The following SLC25A21 variants were observed in gnomAD, a reference collection of about 807,000 sequenced individuals.
SLC25A21 encodes the protein solute carrier family 25 member 21, also known as mitochondrial 2-oxodicarboxylate carrier.
In SLC25A21, 47 loss-of-function variants were observed where a neutral mutation model predicts 43.8. That is an observed-to-expected ratio of 1.07 (90% confidence interval 0.85 to 1.37). SLC25A21 has a LOEUF of 1.37. Ranked by LOEUF, SLC25A21 falls within the 40% of genes most tolerant of loss-of-function variation. The pLI, the probability that SLC25A21 is intolerant of heterozygous loss-of-function variation, is 0.00. For synonymous variants in SLC25A21, 131 were observed against 121.3 expected (o/e 1.08, Z -0.52); for missense variants, 352 against 350.2 (o/e 1.00, Z -0.04).
rs550285263 is a variant in SLC25A21 at position 37,119,621 on chromosome 14, C to T, written c.70+52660G>A. ...GCATAATCAGTTGAGCAGCCCACGC[C>T]GCTGCTCTGCCTATGGAGTAGCCAC... On this transcript the variant is annotated intron_variant, in intron 1 of 9. Transcript: ENST00000331299. 3.9e-5 allele frequency among the ~76,000 whole-genome samples: 6 copies of T among 152,222 alleles called. No individual in the cohort carries two copies. In the East Asian group the frequency reaches 9.6e-4, roughly 24 times the overall value.
Position 37,162,042 on chromosome 14 carries a change from G to A in SLC25A21, c.70+10239C>T, listed in dbSNP as rs113338103. Among the ~76,000 whole-genome samples, 357 of 151,832 alleles carry A rather than the reference G, an allele frequency of 2.4e-3. 2 individuals are homozygous for A. Among genetic ancestry groups the A allele is most frequent in the African/African-American group, 8.1e-3 (336 of 41,420 alleles). On this transcript the variant is annotated intron_variant, in intron 1 of 9. Transcript: ENST00000331299. ...AGGGAGAGAACACCAAGTAATGAGG[G>A]AGGCAGAGATTGGAGTAATGTGTCC...
intron 1 of SLC25A21, among the ~76,000 whole-genome samples, chr14:36,906,619 C>G (rs527582322): frequency 6.6e-6 from 1 of 152,020 alleles, no homozygotes; most frequent in South Asian, 2.1e-4. Context: ...TATTCTCCTG[C>G]CTCAGGCTCC....
At chr14:37,007,210 AG>A (rs1440164216) in intron 1 of SLC25A21, among the ~76,000 whole-genome samples, 3 of 152,260 alleles carry the variant, frequency 2.0e-5, no homozygotes, top group African/African-American at 7.2e-5. Context: ...TCTTAACAAT[AG>A]TCGGCCAGAT....
chr14:36,682,745 G>A (rs1181193599), intron 9 of SLC25A21, among the ~76,000 whole-genome samples: 1 of 145,794 alleles, frequency 6.9e-6, no homozygotes. Context: ...AATAACTAAC[G>A]GAAGGTAGGT....
chr14:36,956,975 C>G (rs74045207), intron 1 of SLC25A21, among the ~76,000 whole-genome samples: 23,414 of 152,048 alleles, frequency 0.15, 1,920 homozygotes, highest in East Asian at 0.22. Flanking sequence ...TGAATAAAAC[C>G]AGAGCTTTTC....
At chr14:37,022,010 CATT>C (rs911491587) in intron 1 of SLC25A21, among the ~76,000 whole-genome samples, 1 of 151,188 alleles carries the variant, frequency 6.6e-6, no homozygotes, top group Non-Finnish European at 1.5e-5. Context: ...GTGCCAGGGG[CATT>C]ATTTATAAAA....
intron 6 of SLC25A21, among the ~76,000 whole-genome samples, chr14:36,713,139 G>C (rs897130929): frequency 6.6e-6 from 1 of 152,178 alleles, no homozygotes; most frequent in African/African-American, 2.4e-5. Flanking sequence ...GAGGTCTTGA[G>C]GGCATGAGGG....
intron 1 of SLC25A21, among the ~76,000 whole-genome samples, chr14:36,894,691 C>T (rs1891185562): frequency 6.6e-6 from 1 of 152,036 alleles, no homozygotes. Context: ...ATAGATAGCT[C>T]CTATTATTTT....
intron 1 of SLC25A21, among the ~76,000 whole-genome samples, chr14:36,993,615 A>G (rs949578804): frequency 2.0e-5 from 3 of 152,154 alleles, no homozygotes; most frequent in African/African-American, 7.2e-5. Flanking sequence ...ATTTTGATTG[A>G]GGTTGTACCA....
At chr14:36,998,029 T>A (rs1006044357) in intron 1 of SLC25A21, among the ~76,000 whole-genome samples, 2 of 152,196 alleles carry the variant, frequency 1.3e-5, no homozygotes, top group Non-Finnish European at 2.9e-5. Context: ...AGAATTCATT[T>A]GTCTAGATTT....
intron 3 of SLC25A21, among the ~76,000 whole-genome samples, chr14:36,788,468 G>GCT (rs1344975817): frequency 1.3e-5 from 2 of 150,220 alleles, no homozygotes; most frequent in Non-Finnish European, 3.0e-5. Flanking sequence ...GAGGCAGGCG[G>GCT]CTGGGTACGC....
intron 1 of SLC25A21, among the ~76,000 whole-genome samples, chr14:36,895,006 T>A (rs2138588458): frequency 6.6e-6 from 1 of 152,266 alleles, no homozygotes; most frequent in African/African-American, 2.4e-5. Flanking sequence ...ATTCTCTTTT[T>A]TGGTTGTGTC....
chr14:36,733,038 T>A (rs1450508298), intron 4 of SLC25A21, among the ~76,000 whole-genome samples: 2 of 152,236 alleles, frequency 1.3e-5, no homozygotes, highest in Non-Finnish European at 2.9e-5. Flanking sequence ...AAAGCTCAAC[T>A]ATTTTTTTCT....
chr14:36,944,134 A>C (rs1039748867), intron 1 of SLC25A21, among the ~76,000 whole-genome samples: 1 of 152,110 alleles, frequency 6.6e-6, no homozygotes, highest in Non-Finnish European at 1.5e-5. Context: ...TCTGTACTGA[A>C]GAGTGACCAG....
At chr14:36,960,539 T>C (rs1959463457) in intron 1 of SLC25A21, among the ~76,000 whole-genome samples, 1 of 152,204 alleles carries the variant, frequency 6.6e-6, no homozygotes, top group Non-Finnish European at 1.5e-5. Flanking sequence ...TCCTATCTTA[T>C]AATACAAACT....
chr14:37,030,045 G>A (rs987533030), intron 1 of SLC25A21, among the ~76,000 whole-genome samples: 3 of 152,044 alleles, frequency 2.0e-5, no homozygotes, highest in African/African-American at 2.4e-5. Context: ...GATTACAGGC[G>A]TGAGCCACTG....
At chr14:36,707,459 G>A (rs147753188) in intron 7 of SLC25A21, among the ~76,000 whole-genome samples, 28 of 152,058 alleles carry the variant, frequency 1.8e-4, no homozygotes, top group Non-Finnish European at 3.1e-4. Flanking sequence ...CACATTTTAC[G>A]CACAGCATTC....
intron 2 of SLC25A21, among the ~76,000 whole-genome samples, chr14:36,859,357 T>C (rs1889996665): frequency 1.3e-5 from 2 of 152,242 alleles, no homozygotes; most frequent in South Asian, 4.1e-4. Flanking sequence ...TCATGAGTTG[T>C]GCAAGTAAAA....
At chr14:36,690,477 T>C (rs1882749940) in intron 7 of SLC25A21, among the ~76,000 whole-genome samples, 1 of 152,206 alleles carries the variant, frequency 6.6e-6, no homozygotes, top group Non-Finnish European at 1.5e-5. Context: ...CAGCTCCTTC[T>C]GACTCCCAAG....
Sources: gnomAD v4.1 joint callset for allele counts (sites outside exome capture counted in the v4.1 genomes callset) on GRCh38, gnomAD v4.1.1 for gene constraint, MANE v1.5 for transcripts, NCBI Gene and HGNC (gene_info 2026-07-23, HGNC 2026-07-21) for gene names.